NR5A1: variants seen among roughly 807,000 people sequenced by gnomAD.
The protein encoded by NR5A1 is nuclear receptor subfamily 5 group A member 1.
NR5A1 carries 6 observed loss-of-function variants against 42.7 expected under a neutral mutation model. That is an observed-to-expected ratio of 0.14 (90% CI 0.08 to 0.28). The LOEUF is 0.28. Among genes scored for constraint, NR5A1 ranks in the 10% least tolerant of loss-of-function variants. The pLI is 1.00. For missense variants in NR5A1, 442 were observed against 626.4 expected (o/e 0.71, Z 3.14); for synonymous variants, 274 against 277.5 (o/e 0.99, Z 0.12).
chr9:124,499,276 T>C (rs1588621313), intron 4 of NR5A1, among the ~76,000 whole-genome samples: 1 of 152,200 alleles, frequency 6.6e-6, no homozygotes, highest in Non-Finnish European at 1.5e-5. Flanking sequence ...TTCCTATGTC[T>C]AGCCTCAGTT....
At chr9:124,484,895 T>C (rs1023749698) in intron 6 of NR5A1, among the ~76,000 whole-genome samples, 1 of 152,204 alleles carries the variant, frequency 6.6e-6, no homozygotes, top group Admixed American at 6.5e-5. Context: ...GGTTTGGCTC[T>C]GCGTGCACCA....
chr9:124,484,308 G>GGT (rs1339629187), intron 6 of NR5A1, among the ~76,000 whole-genome samples: 1 of 152,184 alleles, frequency 6.6e-6, no homozygotes, highest in Non-Finnish European at 1.5e-5. Flanking sequence ...ATGGCCACGT[G>GGT]GTGACCGCAC....
intron 6 of NR5A1, among the ~76,000 whole-genome samples, chr9:124,483,431 G>A (rs935467929): frequency 6.6e-6 from 1 of 152,200 alleles, no homozygotes; most frequent in African/African-American, 2.4e-5. Context: ...TGGGCGTGAC[G>A]ACAGTACCAA....
At position 124,500,275 on chromosome 9, in the gene NR5A1, G is replaced by T; in HGVS notation, c.685C>A (p.Gln229Lys). 6.3e-7 allele frequency: 1 copy of T among 1,580,938 alleles called. No individual in the cohort carries two copies. Among genetic ancestry groups the T allele is most frequent in the Non-Finnish European group, 8.6e-7 (1 of 1,163,830 alleles). ...TCATCCGGCTCCAGCTGCAGCAGCT[G>T]CAGGATGAGCTCAGGCACGTTGGGC... ...GGPNVPELIL[Q>K]LLQLEPDEDQ... Residue 229 changes from glutamine to lysine, a missense_variant, in exon 4 of 7, where the codon CAG (glutamine) becomes AAG (lysine). Gln to Lys is a moderately conservative substitution (Grantham distance 53). Around this residue, in one of 3 missense-constraint regions of NR5A1, gnomAD observed 208 missense variants for 203.8 expected, o/e 1.02. Transcript: ENST00000373588. This position sits in a 1 kb window ranked among gnomAD's most constrained non-coding sequence, Gnocchi z 6.9.
rs1258429833 is a variant in NR5A1 at position 124,501,808 on chromosome 9, C to T, written c.245-1093G>A. ...GCATGTGGTCCACCACTCTCAGAGC[C>T]ACCTGGGGCTTTCTACACTGTTCCA... is the stretch of plus-strand genomic sequence containing the variant. On this transcript the variant is annotated intron_variant, in intron 3 of 6. Coordinates refer to ENST00000373588, the MANE Select transcript of NR5A1 (RefSeq NM_004959.5). The surrounding 1 kb of genome is among the most constrained non-coding windows in gnomAD (Gnocchi z 4.1). Among the ~76,000 whole-genome samples, 2 of 152,204 alleles carry T rather than the reference C, an allele frequency of 1.3e-5. No homozygotes were observed. Among genetic ancestry groups the T allele is most frequent in the African/African-American group, 4.8e-5 (2 of 41,438 alleles).
chr9:124,497,887 G>T (rs531894379), intron 4 of NR5A1, among the ~76,000 whole-genome samples: 2 of 152,194 alleles, frequency 1.3e-5, no homozygotes, highest in South Asian at 2.1e-4. Context: ...ACTGTTCTCC[G>T]ACTTCCTTAG....
At chr9:124,492,307 C>T (rs1832327685) in intron 5 of NR5A1, among the ~76,000 whole-genome samples, 1 of 151,384 alleles carries the variant, frequency 6.6e-6, no homozygotes, top group African/African-American at 2.4e-5. Context: ...GCTGTGCCCC[C>T]GTGTCCCCAC....
intron 6 of NR5A1, 66 bp downstream of exon 6, chr9:124,491,015 T>TCGGGC: frequency 4.1e-5 from 26 of 634,814 alleles, no homozygotes; most frequent in Non-Finnish European, 6.1e-5. Context: ...CTCTCCAGCC[T>TCGGGC]CACCCACCCT....
At chr9:124,504,720 C>T (rs1832525016) in intron 1 of NR5A1, among the ~76,000 whole-genome samples, 1 of 147,364 alleles carries the variant, frequency 6.8e-6, no homozygotes, top group Admixed American at 6.7e-5. Context: ...GTCCCGCCCG[C>T]GCGGAGCCCG....
chr9:124,482,634 G>T lies in NR5A1; in HGVS notation c.*124C>A. Reference sequence around the variant, plus strand: ...ACTCAGGGGCAGCGGCCTCTGGGACGGGGCTGGGGCTCCTCGGTGGGCATC... The same window carrying T: ...ACTCAGGGGCAGCGGCCTCTGGGACTGGGCTGGGGCTCCTCGGTGGGCATC... On this transcript the variant is annotated 3_prime_UTR_variant, in exon 7 of 7. Coordinates refer to ENST00000373588, the MANE Select transcript of NR5A1 (RefSeq NM_004959.5). The T allele has an allele frequency of 2.6e-6, 3 of 1,152,258 alleles. No individual in the cohort carries two copies. Among genetic ancestry groups the T allele is most frequent in the Non-Finnish European group, 3.7e-6 (3 of 807,206 alleles). 71.4% of individuals were successfully genotyped at this position (1,152,258 alleles called of 1,614,324 possible).
chr9:124,506,747 C>A (rs557226872), intron 1 of NR5A1, among the ~76,000 whole-genome samples: 9 of 152,192 alleles, frequency 5.9e-5, no homozygotes, highest in African/African-American at 9.7e-5. Context: ...TCCAGCCCAC[C>A]GCCTGGGGAG....
At chr9:124,484,106 T>C (rs983258922) in intron 6 of NR5A1, among the ~76,000 whole-genome samples, 1 of 152,192 alleles carries the variant, frequency 6.6e-6, no homozygotes, top group South Asian at 2.1e-4. Flanking sequence ...AATAAAGCGT[T>C]GAACATCTCA....
chr9:124,500,160 C>T lies in NR5A1; in HGVS notation c.800G>A (p.Arg267Lys), dbSNP rs747689798. The change falls in exon 4 of 7, where the codon AGA (arginine) becomes AAA (lysine). Residue 267 changes from arginine to lysine, a missense_variant. Transcript: ENST00000373588. This position sits in a 1 kb window ranked among gnomAD's most constrained non-coding sequence, Gnocchi z 6.9. ...DQPAAFGLLC[R>K]MADQTFISIV... The stretch of plus-strand genomic sequence containing the variant: ...GGAGATGAAGGTCTGGTCGGCCATT[C>T]TGCACAGGAGGCCGAAGGCCGCCGG... 3.1e-6 allele frequency: 5 copies of T among 1,612,894 alleles called. No individual in the cohort carries two copies. Among genetic ancestry groups the T allele is most frequent in the Non-Finnish European group, 3.4e-6 (4 of 1,179,888 alleles).
At chr9:124,484,365 T>G (rs7855247) in intron 6 of NR5A1, among the ~76,000 whole-genome samples, 1 of 151,986 alleles carries the variant, frequency 6.6e-6, no homozygotes, top group African/African-American at 2.4e-5. Flanking sequence ...GCCCACACAA[T>G]GCAGGGCAAA....
Position 124,500,281 on chromosome 9 carries a change from T to C in NR5A1, c.679A>G (p.Ile227Val). The C allele has an allele frequency of 2.5e-6, 4 of 1,577,384 alleles. No homozygotes were observed. Among genetic ancestry groups the C allele is most frequent in the South Asian group, 1.1e-5 (1 of 87,040 alleles). ...GGCTCCAGCTGCAGCAGCTGCAGGA[T>C]GAGCTCAGGCACGTTGGGCCCTCCA... ...FSGGPNVPEL[I>V]LQLLQLEPDE... Residue 227 changes from isoleucine to valine, a missense_variant, in exon 4 of 7, where the codon ATC becomes GTC. By Grantham distance (29) the Ile-to-Val change is conservative (BLOSUM62 3). Around this residue, in one of 3 missense-constraint regions of NR5A1, gnomAD observed 208 missense variants for 203.8 expected, o/e 1.02. Transcript: ENST00000373588. This position sits in a 1 kb window ranked among gnomAD's most constrained non-coding sequence, Gnocchi z 6.9.
intron 1 of NR5A1, among the ~76,000 whole-genome samples, chr9:124,504,338 GC>G (rs1832518199): frequency 6.6e-6 from 1 of 152,194 alleles, no homozygotes; most frequent in South Asian, 2.1e-4. Context: ...CCAAGGCGAG[GC>G]CCCGCAGGGT....
chr9:124,502,143 T>C (rs1832480222), intron 3 of NR5A1, among the ~76,000 whole-genome samples: 2 of 151,530 alleles, frequency 1.3e-5, no homozygotes, highest in South Asian at 2.1e-4. Flanking sequence ...GGCTGGGCGG[T>C]GGTGGTGGGC....
intron 6 of NR5A1, 26 bp downstream of exon 6, chr9:124,491,055 C>T (rs756661107): frequency 2.3e-5 from 36 of 1,554,006 alleles, no homozygotes; most frequent in Non-Finnish European, 2.6e-5. Context: ...CTGTCTCCAC[C>T]TCTCTGTCAC....
rs1205482623 is a variant in NR5A1 at position 124,501,505 on chromosome 9, C to T, written c.245-790G>A. Among the ~76,000 whole-genome samples the T allele has an allele frequency of 6.6e-6, 1 of 152,234 alleles. No homozygotes were observed. The highest frequency in any genetic ancestry group is 1.9e-4 in the East Asian group (1 of 5,198). On this transcript the variant is annotated intron_variant, in intron 3 of 6. Transcript: ENST00000373588. This position sits in a 1 kb window ranked among gnomAD's most constrained non-coding sequence, Gnocchi z 4.1. ...AGCTGGAGTGTGCCCCCCGCCCCTG[C>T]TCAGACAGGGCCCCACCCTGGGATC...
Sources: allele counts gnomAD v4.1 joint callset (sites outside exome capture counted in the v4.1 genomes callset), GRCh38; gene constraint gnomAD v4.1.1; regional missense constraint gnomAD v4.1.1; non-coding constraint Gnocchi (gnomAD v3.1); transcripts MANE v1.5; gene names NCBI Gene and HGNC (gene_info 2026-07-23, HGNC 2026-07-21).